DEF8: variants seen among roughly 807,000 people sequenced by gnomAD.
The protein encoded by DEF8 is differentially expressed in FDCP 8 homolog, also known as DEF-8.
A neutral mutation model predicts 59.1 loss-of-function variants in DEF8; 38 were observed. The observed-to-expected ratio is 0.64, with a 90% CI of 0.50 to 0.84. The LOEUF (loss-of-function observed/expected upper bound fraction) is 0.84, where lower values mean the gene tolerates loss of function less well. Ranked by LOEUF, DEF8 falls within the 40% of genes least tolerant of loss-of-function variation. DEF8 has a pLI of 0.00. For missense variants in DEF8, 557 were observed against 615.2 expected, an observed-to-expected ratio of 0.91 and a Z score of 1.00; for synonymous variants, 265 against 250.1, an observed-to-expected ratio of 1.06 and a Z score of -0.56.
At chr16:89,961,644 G>A in intron 7 of DEF8, 93 bp from the exon 8 acceptor site, 1 of 1,507,264 alleles carries the variant, frequency 6.6e-7, no homozygotes, top group Non-Finnish European at 9.1e-7. Context: ...TCTCCCCGAG[G>A]GCTGTGGTCC....
chr16:89,949,694 A>T, intron 2 of DEF8, 181 bp downstream of exon 2: 1 of 1,508,242 alleles, frequency 6.6e-7, no homozygotes, highest in South Asian at 1.2e-5. Context: ...GTGCCCCGGA[A>T]CCCCGCCGGC....
intron 4 of DEF8, 50 bp downstream of exon 4, chr16:89,955,316 C>A: frequency 6.7e-7 from 1 of 1,489,372 alleles, no homozygotes; most frequent in Non-Finnish European, 9.4e-7. Context: ...ACCCCCAAGG[C>A]AGGAAGGGCC....
intron 2 of DEF8, chr16:89,952,813 A>G (rs966762334): frequency 4.6e-5 from 7 of 152,150 alleles, no homozygotes; most frequent in African/African-American, 1.7e-4. Flanking sequence ...CAGGTGCCCA[A>G]CCCACACTCC....
intron 12 of DEF8, among the ~76,000 whole-genome samples, 173 bp downstream of exon 12, chr16:89,964,748 C>A (rs2034461975): frequency 1.3e-5 from 2 of 152,100 alleles, no homozygotes; most frequent in Non-Finnish European, 2.9e-5. Flanking sequence ...TGAAGTCAGA[C>A]CCTGATGTCT....
chr16:89,960,785 C>A, intron 6 of DEF8, 146 bp from the exon 7 acceptor site: 1 of 834,980 alleles, frequency 1.2e-6, no homozygotes, highest in Non-Finnish European at 1.9e-6. Context: ...CTTTGAGGTT[C>A]TAAGGCCTCC....
chr16:89,955,693 A>G (rs1251711882), intron 4 of DEF8, among the ~76,000 whole-genome samples: 1 of 152,172 alleles, frequency 6.6e-6, no homozygotes, highest in Non-Finnish European at 1.5e-5. Context: ...AGTCGGTATT[A>G]CAGGGCCACT....
rs1597547401 is a variant in DEF8 at position 89,967,381 on chromosome 16, C to T, written c.*1418C>T. The T allele has an allele frequency of 1.0e-5, 4 of 398,672 alleles. No homozygotes were observed. The East Asian group carries it at 1.4e-4, about 14-fold the overall frequency. 24.7% of individuals were successfully genotyped at this position (398,672 alleles called of 1,614,324 possible). ...AGGAGTGGGAGAGACGGCAGGGTCT[C>T]CTCTTTGTCCTCCGGCATCAGGAAG... On this transcript the variant is annotated 3_prime_UTR_variant, in exon 13 of 13. Coordinates refer to ENST00000563594, the MANE Select transcript of DEF8 (RefSeq NM_001242818.2).
chr16:89,963,318 T>A, intron 9 of DEF8, 45 bp from the exon 10 acceptor site: 1 of 1,581,672 alleles, frequency 6.3e-7, no homozygotes, highest in South Asian at 1.1e-5. Context: ...GGGGCCGCCC[T>A]GTGTCCTGGC....
intron 6 of DEF8, chr16:89,959,398 G>A: frequency 1.5e-6 from 2 of 1,375,876 alleles, no homozygotes; most frequent in South Asian, 1.6e-5. Flanking sequence ...TGAAGAAAAA[G>A]GGAAAGGACC....
At chr16:89,964,343 AC>A in intron 11 of DEF8, 33 bp downstream of exon 11, 1 of 1,560,558 alleles carries the variant, frequency 6.4e-7, no homozygotes, top group Non-Finnish European at 8.7e-7. Flanking sequence ...CTCTTCTCCA[AC>A]CCCAGCCCTG....
intron 2 of DEF8, among the ~76,000 whole-genome samples, chr16:89,952,022 C>A (rs571927941): frequency 1.6e-4 from 25 of 152,224 alleles, no homozygotes; most frequent in Admixed American, 3.9e-4. Context: ...GGGCTACAGG[C>A]GCCTGCCACC....
chr16:89,957,704 G>T, intron 5 of DEF8, 44 bp downstream of exon 5: 1 of 1,492,840 alleles, frequency 6.7e-7, no homozygotes, highest in Non-Finnish European at 9.0e-7. Context: ...TGGGGCCGAG[G>T]CCAGAACTGT....
chr16:89,958,708 A>G (rs1380994151), intron 5 of DEF8, among the ~76,000 whole-genome samples: 1 of 152,230 alleles, frequency 6.6e-6, no homozygotes, highest in Non-Finnish European at 1.5e-5. Context: ...CAGGAGGGGC[A>G]GAGAGGCCGG....
chr16:89,954,393 G>T lies in DEF8; in HGVS notation c.124+17G>T. ...CTCCTGAAGGTGGGTGCTGGTGGGA[G>T]TCAGGGTGGGAGCTGGGCAGGTCTC... On this transcript the variant is annotated intron_variant, in intron 3 of 12. Transcript: ENST00000563594. This position sits in a 1 kb window ranked among gnomAD's most constrained non-coding sequence, Gnocchi z 4.3. The T allele has an allele frequency of 6.2e-7, 1 of 1,612,020 alleles. No homozygotes were observed. Among genetic ancestry groups the T allele is most frequent in the African/African-American group, 1.3e-5 (1 of 75,024 alleles).
In DEF8 at chr16:89,954,851, C is replaced by A. The variant is rs1054725737; in HGVS notation, c.125-318C>A. On this transcript the variant is annotated intron_variant, in intron 3 of 12. Coordinates refer to ENST00000563594, the MANE Select transcript of DEF8 (RefSeq NM_001242818.2). The surrounding 1 kb of genome is among the most constrained non-coding windows in gnomAD (Gnocchi z 4.3). Reference sequence around the variant, plus strand: ...TAGCCATGCAGTGGTTTTTCTCTCGCCCCCGTGGTCACGCATGAGGTGTCC... The same window carrying A: ...TAGCCATGCAGTGGTTTTTCTCTCGACCCCGTGGTCACGCATGAGGTGTCC... Among the ~76,000 whole-genome samples, 41 of 152,240 alleles carry A rather than the reference C, an allele frequency of 2.7e-4. No homozygotes were observed. The highest frequency in any genetic ancestry group is 9.4e-4 in the African/African-American group (39 of 41,532).
At chr16:89,957,409 A>T in intron 4 of DEF8, 102 bp from the exon 5 acceptor site, 1 of 1,273,832 alleles carries the variant, frequency 7.9e-7, no homozygotes, top group Non-Finnish European at 1.1e-6. Flanking sequence ...TCTCTGGGTG[A>T]GGGGTGTCGG....
At chr16:89,957,744 C>T in intron 5 of DEF8, 84 bp downstream of exon 5, 1 of 1,428,132 alleles carries the variant, frequency 7.0e-7, no homozygotes, top group Non-Finnish European at 9.3e-7. Context: ...CAGCCTCTGG[C>T]TCTCTCTCAG....
intron 6 of DEF8, chr16:89,959,426 G>A (rs1480398589): frequency 7.1e-6 from 8 of 1,134,394 alleles, no homozygotes; most frequent in Non-Finnish European, 9.5e-6. Flanking sequence ...TGTTAGGGTG[G>A]AGTGAATGTG....
chr16:89,959,867 G>A (rs1189389462), intron 6 of DEF8, among the ~76,000 whole-genome samples: 1 of 152,276 alleles, frequency 6.6e-6, no homozygotes, highest in East Asian at 1.9e-4. Context: ...CTGGAGGAAT[G>A]TTCTGGTGGG....
Sources: gnomAD v4.1 joint callset for allele counts (sites outside exome capture counted in the v4.1 genomes callset) on GRCh38, gnomAD v4.1.1 for gene constraint, Gnocchi (gnomAD v3.1) non-coding constraint, MANE v1.5 for transcripts, NCBI Gene and HGNC (gene_info 2026-07-23, HGNC 2026-07-21) for gene names.